The following RNF166 variants were observed in gnomAD, a reference collection of about 807,000 sequenced individuals.
RNF166 encodes the protein E3 ubiquitin-protein ligase RNF166.
Under a neutral mutation model 29.4 loss-of-function variants are expected in RNF166, and 19 were observed. The observed-to-expected ratio is 0.65, with a 90% CI of 0.45 to 0.95. The LOEUF is 0.95. RNF166 is among the 40% of genes least tolerant of loss of function. The probability of loss-of-function intolerance (pLI) is 0.00; values close to 1 mark genes in which losing one functional copy is unlikely to be tolerated. For synonymous variants in RNF166, 171 were observed against 134.5 expected (o/e 1.27, Z -1.88); for missense variants, 347 against 322.1 (o/e 1.08, Z -0.59).
At chr16:88,703,512 G>T (rs558521878) in intron 1 of RNF166, 1 of 985,380 alleles carries the variant, frequency 1.0e-6, no homozygotes, top group African/African-American at 1.7e-5. Context: ...GGGCGGCTGG[G>T]CCCGAGGAGC....
chr16:88,700,307 G>A (rs777571800), intron 2 of RNF166, among the ~76,000 whole-genome samples: 1 of 152,190 alleles, frequency 6.6e-6, no homozygotes, highest in Non-Finnish European at 1.5e-5. Flanking sequence ...AGACACAGCC[G>A]CATCTGAAGA....
At chr16:88,703,600 G>A (rs751529969) in intron 1 of RNF166, 60 of 985,404 alleles carry the variant, frequency 6.1e-5, no homozygotes, top group Non-Finnish European at 7.0e-5. Context: ...GGTGTTCAGA[G>A]AGCCAGCAGC....
chr16:88,698,490 C>T lies in RNF166; in HGVS notation c.648+12G>A, dbSNP rs762379974. On this transcript the variant is annotated intron_variant, in intron 5 of 5. Coordinates refer to ENST00000312838, the MANE Select transcript of RNF166 (RefSeq NM_178841.4). ...AGGGCGTGGGGGAGGACGGTGCTGGCGGGATGCCTACCACAAAGGTGTCGT... is the reference window on the plus strand; with the variant it reads ...AGGGCGTGGGGGAGGACGGTGCTGGTGGGATGCCTACCACAAAGGTGTCGT... 12 of 1,552,470 alleles carry T rather than the reference C, an allele frequency of 7.7e-6. No homozygotes were observed. Among genetic ancestry groups the T allele is most frequent in the South Asian group, 2.4e-5 (2 of 84,492 alleles).
rs1313004075 is a variant in RNF166 at position 88,696,900 on chromosome 16, G to A, written c.*668C>T. 4.2e-6 allele frequency: 1 copy of A among 237,862 alleles called. No individual in the cohort carries two copies. Among genetic ancestry groups the A allele is most frequent in the Non-Finnish European group, 8.4e-6 (1 of 118,724 alleles). The allele number at this position is 237,862 out of a possible 1,614,324, so 14.7% of individuals were successfully genotyped here. A position where few individuals can be genotyped will look rare whatever the true frequency, so the allele number is the denominator to read the frequency against. Reference sequence around the variant, plus strand: ...ATGGCTCGCCTGAGCTCTGGCAGCTGCCCCACTGCTCCTTCCATCCTTGCC... The same window carrying A: ...ATGGCTCGCCTGAGCTCTGGCAGCTACCCCACTGCTCCTTCCATCCTTGCC... On this transcript the variant is annotated 3_prime_UTR_variant, in exon 6 of 6. Transcript: ENST00000312838.
At chr16:88,705,865 A>G (rs569013523) in intron 1 of RNF166, among the ~76,000 whole-genome samples, 5 of 152,234 alleles carry the variant, frequency 3.3e-5, no homozygotes, top group Non-Finnish European at 5.9e-5. Flanking sequence ...TGAGTACCGG[A>G]GCGCCCGCCG....
chr16:88,697,252 G>T lies in RNF166; in HGVS notation c.*316C>A. ...GCGCGTCGGTCCCTTCTTCCCACGA[G>T]GGGGTATCATGGCTTTGAAGAGACG... On this transcript the variant is annotated 3_prime_UTR_variant, in exon 6 of 6. Transcript: ENST00000312838. The T allele has an allele frequency of 4.0e-6, 1 of 248,184 alleles. No homozygotes were observed. Among genetic ancestry groups the T allele is most frequent in the Non-Finnish European group, 7.8e-6 (1 of 128,446 alleles). The allele number at this position is 248,184 out of a possible 1,614,324, so 15.4% of individuals were successfully genotyped here. A position where few individuals can be genotyped will look rare whatever the true frequency, so the allele number is the denominator to read the frequency against.
intron 2 of RNF166, chr16:88,700,556 C>G: frequency 1.0e-6 from 1 of 966,108 alleles, no homozygotes; most frequent in Non-Finnish European, 1.2e-6. Flanking sequence ...CTAGTGTGAG[C>G]GCTTCATAGA....
At chr16:88,703,340 C>G (rs1290866464) in intron 1 of RNF166, 1 of 985,324 alleles carries the variant, frequency 1.0e-6, no homozygotes, top group South Asian at 4.7e-5. Flanking sequence ...GGCCGGGGCT[C>G]GGCTGCACAG....
intron 1 of RNF166, among the ~76,000 whole-genome samples, chr16:88,704,715 C>T (rs575119870): frequency 9.8e-5 from 15 of 152,318 alleles, no homozygotes; most frequent in African/African-American, 3.4e-4. Context: ...TCCTGCCAGG[C>T]GCGGTGGCTC....
chr16:88,697,880 C>T (rs1266180746), intron 5 of RNF166: 7 of 504,778 alleles, frequency 1.4e-5, no homozygotes, highest in Non-Finnish European at 2.1e-5. Flanking sequence ...TGGTTCAGGT[C>T]GGACTCTAAG....
At chr16:88,701,154 C>G (rs1264681510) in intron 2 of RNF166, 108 bp downstream of exon 2, 1 of 1,426,444 alleles carries the variant, frequency 7.0e-7, no homozygotes, top group African/African-American at 1.4e-5. Flanking sequence ...ACCGCGATTA[C>G]TCAACAGGAA....
At chr16:88,703,105 G>A (rs978623344) in intron 1 of RNF166, 11 of 985,432 alleles carry the variant, frequency 1.1e-5, no homozygotes, top group East Asian at 1.1e-4. Flanking sequence ...CAGCAAGCAC[G>A]TCCCACCCGT....
chr16:88,703,697 G>A (rs909420133), intron 1 of RNF166: 8 of 985,400 alleles, frequency 8.1e-6, no homozygotes, highest in Non-Finnish European at 9.6e-6. Flanking sequence ...GCTGAAGGAA[G>A]TGGCTGAGGG....
chr16:88,701,644 C>T, intron 1 of RNF166: 2 of 495,632 alleles, frequency 4.0e-6, no homozygotes, highest in East Asian at 3.4e-5. Context: ...ACAGTAGGCC[C>T]CTGTGGTTTC....
Position 88,697,160 on chromosome 16 carries a change from GGGGCAGGGTCGGGCT to G in RNF166, c.*393_*407del, listed in dbSNP as rs1597399371. The G allele has an allele frequency of 1.1e-5, 2 of 175,816 alleles. No homozygotes were observed. Among genetic ancestry groups the G allele is most frequent in the South Asian group, 1.3e-4 (1 of 7,420 alleles). 10.9% of individuals were successfully genotyped at this position (175,816 alleles called of 1,614,324 possible). A position where few individuals can be genotyped will look rare whatever the true frequency, so the allele number is the denominator to read the frequency against. Reference sequence around the variant, plus strand: ...AAATGCGCAAGGTGGAAGTGGGGCCGGGGCAGGGTCGGGCTGGGCAGGGCAGCAGCCTGGGTTCCT... The same window carrying G: ...AAATGCGCAAGGTGGAAGTGGGGCCGGGGCAGGGCAGCAGCCTGGGTTCCT... On this transcript the variant is annotated 3_prime_UTR_variant, in exon 6 of 6. Coordinates refer to ENST00000312838, the MANE Select transcript of RNF166 (RefSeq NM_178841.4).
At position 88,703,973 on chromosome 16, in the gene RNF166, T is replaced by G. The variant is rs1173308460; in HGVS notation, c.155+2198A>C. 4.1e-6 allele frequency: 4 copies of G among 985,360 alleles called. No individual in the cohort carries two copies. The African/African-American group carries it at 7.0e-5, about 17-fold the overall frequency. 61.0% of individuals were successfully genotyped at this position (985,360 alleles called of 1,614,324 possible). On this transcript the variant is annotated intron_variant, in intron 1 of 5. Coordinates refer to ENST00000312838, the MANE Select transcript of RNF166 (RefSeq NM_178841.4). ...TCACGCGTGTCCTGGCCCACAGGCT[T>G]CTGGTTACAGAGGTGGCTCACTGCT...
rs1910551311 is a variant in RNF166 at position 88,704,306 on chromosome 16, A to G, written c.155+1865T>C. ...AGCCAGAAAACAAAAGCCAGCAGGAAAAGTCGGGGAGAAAAATCTTTGAAA... is the reference window on the plus strand; with the variant it reads ...AGCCAGAAAACAAAAGCCAGCAGGAGAAGTCGGGGAGAAAAATCTTTGAAA... On this transcript the variant is annotated intron_variant, in intron 1 of 5. Transcript: ENST00000312838. 5.1e-6 allele frequency: 5 copies of G among 985,308 alleles called. No homozygotes were observed. The South Asian group carries it at 1.9e-4, about 37-fold the overall frequency. The allele number at this position is 985,308 out of a possible 1,614,324, so 61.0% of individuals were successfully genotyped here.
Position 88,697,178 on chromosome 16 carries a change from G to A in RNF166, c.*390C>T. The A allele has an allele frequency of 5.5e-6, 1 of 183,182 alleles. No homozygotes were observed. The allele number at this position is 183,182 out of a possible 1,614,324, so 11.3% of individuals were successfully genotyped here. ...TGGGGCCGGGGCAGGGTCGGGCTGG[G>A]CAGGGCAGCAGCCTGGGTTCCTCCC... On this transcript the variant is annotated 3_prime_UTR_variant, in exon 6 of 6. Coordinates refer to ENST00000312838, the MANE Select transcript of RNF166 (RefSeq NM_178841.4).
intron 1 of RNF166, chr16:88,703,089 G>A (rs916789527): frequency 5.1e-6 from 5 of 985,454 alleles, no homozygotes; most frequent in East Asian, 1.1e-4. Context: ...AACAGTGCAG[G>A]GCAGACAGCA....
Sources: gnomAD v4.1 joint callset for allele counts (sites outside exome capture counted in the v4.1 genomes callset) on GRCh38, gnomAD v4.1.1 for gene constraint, MANE v1.5 for transcripts, NCBI Gene and HGNC (gene_info 2026-07-23, HGNC 2026-07-21) for gene names.